Variants in MGMT observed in about 807,000 individuals in gnomAD.
The protein encoded by MGMT is methylated-DNA--protein-cysteine methyltransferase.
MGMT carries 14 observed loss-of-function variants against 15.9 expected under a neutral mutation model. That is an observed-to-expected ratio of 0.88 (90% CI 0.58 to 1.37). MGMT has a LOEUF of 1.37. Among genes scored for constraint, MGMT ranks in the 40% most tolerant of loss-of-function variants. The pLI, the probability that MGMT is intolerant of heterozygous loss-of-function variation, is 0.00. For missense variants in MGMT, 282 were observed against 268.1 expected (o/e 1.05, Z -0.36); for synonymous variants, 130 against 118.2 (o/e 1.10, Z -0.65).
chr10:129,579,207 C>A (rs1241541862), intron 2 of MGMT, among the ~76,000 whole-genome samples: 1 of 152,180 alleles, frequency 6.6e-6, no homozygotes, highest in Non-Finnish European at 1.5e-5. Context: ...AGTTATGTAA[C>A]CCATTCCAAA....
chr10:129,514,892 C>G (rs1390323237), intron 1 of MGMT, among the ~76,000 whole-genome samples: 1 of 152,236 alleles, frequency 6.6e-6, no homozygotes, highest in African/African-American at 2.4e-5. Flanking sequence ...TGGCCTAACA[C>G]AGTGAGCATG....
chr10:129,742,235 C>T (rs1564781762), intron 3 of MGMT, among the ~76,000 whole-genome samples: 1 of 152,196 alleles, frequency 6.6e-6, no homozygotes, highest in Non-Finnish European at 1.5e-5. Context: ...TGGGAGGAGC[C>T]AGAAACTCCC....
intron 1 of MGMT, among the ~76,000 whole-genome samples, chr10:129,500,656 C>T (rs1261345429): frequency 2.0e-5 from 3 of 152,088 alleles, no homozygotes; most frequent in Admixed American, 2.0e-4. Flanking sequence ...CCTGAGCAAT[C>T]CTCGCACCTC....
intron 2 of MGMT, among the ~76,000 whole-genome samples, chr10:129,617,287 T>A (rs1226772616): frequency 6.6e-6 from 1 of 152,218 alleles, no homozygotes; most frequent in Non-Finnish European, 1.5e-5. Context: ...TGCATAGTAT[T>A]CTGTGGTGTA....
chr10:129,575,130 CAG>C (rs1289371137), intron 2 of MGMT, among the ~76,000 whole-genome samples: 3 of 152,160 alleles, frequency 2.0e-5, no homozygotes, highest in Non-Finnish European at 1.5e-5. Context: ...ATCAACAAGA[CAG>C]AAAGTTAACA....
rs180816241 is a variant in MGMT at position 129,644,724 on chromosome 10, A to G, written c.126-63171A>G. Among the ~76,000 whole-genome samples, 392 of 152,338 alleles carry G rather than the reference A, an allele frequency of 2.6e-3. 3 individuals carry two copies. In the South Asian group the frequency reaches 0.027, roughly 10 times the overall value. ...TTGTGAGGATTAAATTAGGAAAAAA[A>G]ATAAAGCTATAGCTGTTATTGGCCT... On this transcript the variant is annotated intron_variant, in intron 2 of 4. Transcript: ENST00000651593.
At chr10:129,506,192 C>T (rs1845623286) in intron 1 of MGMT, among the ~76,000 whole-genome samples, 1 of 152,068 alleles carries the variant, frequency 6.6e-6, no homozygotes, top group Non-Finnish European at 1.5e-5. Context: ...CATGGGCTAG[C>T]CCCACAACAA....
intron 2 of MGMT, among the ~76,000 whole-genome samples, chr10:129,697,844 C>T (rs949154191): frequency 1.3e-5 from 2 of 152,150 alleles, no homozygotes; most frequent in African/African-American, 4.8e-5. Context: ...ATCTTGTGCC[C>T]GTCTCATCTA....
chr10:129,490,562 A>G (rs1222343628), intron 1 of MGMT, among the ~76,000 whole-genome samples: 1 of 151,638 alleles, frequency 6.6e-6, no homozygotes, highest in African/African-American at 2.4e-5. Context: ...ATATTTTTGC[A>G]CAGTCTATCT....
intron 2 of MGMT, among the ~76,000 whole-genome samples, chr10:129,587,737 A>G (rs1428783714): frequency 6.6e-6 from 1 of 151,866 alleles, no homozygotes; most frequent in East Asian, 1.9e-4. Context: ...TACCCGACCT[A>G]TATTTTTCTA....
chr10:129,735,874 A>G (rs2133166615), intron 3 of MGMT, among the ~76,000 whole-genome samples: 1 of 51,990 alleles, frequency 1.9e-5, no homozygotes, highest in Non-Finnish European at 3.5e-5. Flanking sequence ...AGCGGTTTTG[A>G]GTGAGATTCT....
chr10:129,753,652 T>C (rs551265470), intron 3 of MGMT, among the ~76,000 whole-genome samples: 7 of 152,234 alleles, frequency 4.6e-5, no homozygotes, highest in Non-Finnish European at 7.3e-5. Context: ...CTAAATTTTC[T>C]ACTTTATTAT....
At chr10:129,530,971 C>T (rs1378806627) in intron 1 of MGMT, among the ~76,000 whole-genome samples, 1 of 152,246 alleles carries the variant, frequency 6.6e-6, no homozygotes, top group Non-Finnish European at 1.5e-5. Context: ...GTTCCCTAAC[C>T]GCCACTCTGC....
At chr10:129,648,294 TC>T in intron 2 of MGMT, among the ~76,000 whole-genome samples, 1 of 152,324 alleles carries the variant, frequency 6.6e-6, no homozygotes, top group Non-Finnish European at 1.5e-5. Context: ...AGCACAATTT[TC>T]CCTGTGTAAA....
chr10:129,708,098 A>G, intron 3 of MGMT, 55 bp downstream of exon 3: 1 of 1,549,112 alleles, frequency 6.5e-7, no homozygotes, highest in Non-Finnish European at 8.7e-7. Context: ...CTTATTAACG[A>G]TCGCTGACAT....
At chr10:129,674,857 C>T (rs1847766502) in intron 2 of MGMT, among the ~76,000 whole-genome samples, 1 of 152,198 alleles carries the variant, frequency 6.6e-6, no homozygotes, top group Non-Finnish European at 1.5e-5. Context: ...AAGATGTGGC[C>T]TCCCTGACCG....
chr10:129,753,787 G>A (rs1450877813), intron 3 of MGMT, among the ~76,000 whole-genome samples: 1 of 152,004 alleles, frequency 6.6e-6, no homozygotes, highest in Non-Finnish European at 1.5e-5. Context: ...CTCAGCCTTG[G>A]CATGAGTTGA....
chr10:129,682,639 T>G (rs1847865626), intron 2 of MGMT, among the ~76,000 whole-genome samples: 1 of 152,110 alleles, frequency 6.6e-6, no homozygotes, highest in African/African-American at 2.4e-5. Context: ...ACATAAGAAT[T>G]TAAAATGTTT....
At chr10:129,519,652 T>C in intron 1 of MGMT, among the ~76,000 whole-genome samples, 1 of 152,176 alleles carries the variant, frequency 6.6e-6, no homozygotes, top group East Asian at 1.9e-4. Context: ...TTCGGGACAC[T>C]GAGTCATAAA....
Sources: gnomAD v4.1 joint callset for allele counts (sites outside exome capture counted in the v4.1 genomes callset) on GRCh38, gnomAD v4.1.1 for gene constraint, MANE v1.5 for transcripts, NCBI Gene and HGNC (gene_info 2026-07-23, HGNC 2026-07-21) for gene names.